Variants in GSE1 observed in about 807,000 individuals in gnomAD.
GSE1 encodes genetic suppressor element 1.
Under a neutral mutation model 112.6 loss-of-function variants are expected in GSE1, and 32 were observed. That is an observed-to-expected ratio of 0.28 (90% CI 0.21 to 0.38). The LOEUF (loss-of-function observed/expected upper bound fraction) is 0.38. GSE1 is among the 10% of genes least tolerant of loss of function. GSE1 has a pLI of 1.00. For synonymous variants in GSE1, 1,115 were observed against 735.6 expected (o/e 1.52, Z -8.35); for missense variants, 2,348 against 1,699.2 (o/e 1.38, Z -6.71).
chr16:85,282,433 G>A (rs1178783169), intron 1 of GSE1, among the ~76,000 whole-genome samples: 2 of 152,196 alleles, frequency 1.3e-5, no homozygotes, highest in Admixed American at 6.5e-5. Flanking sequence ...TCTGAAAGTT[G>A]TTTTTTGCTG....
intron 1 of GSE1, among the ~76,000 whole-genome samples, chr16:85,254,851 T>G (rs1256379488): frequency 6.6e-6 from 1 of 152,332 alleles, no homozygotes; most frequent in South Asian, 2.1e-4. Context: ...GTTTCACACC[T>G]GCAGCAGCCG....
chr16:85,625,129 T>A (rs2048983157), intron 1 of GSE1, among the ~76,000 whole-genome samples: 1 of 152,122 alleles, frequency 6.6e-6, no homozygotes, highest in Admixed American at 6.5e-5. Context: ...CGTGCCCCTT[T>A]AGGAGGCCGC....
chr16:85,269,692 A>G (rs1166470633), intron 1 of GSE1, among the ~76,000 whole-genome samples: 1 of 148,824 alleles, frequency 6.7e-6, no homozygotes, highest in Non-Finnish European at 1.5e-5. Flanking sequence ...AGCCCAAGCC[A>G]TGGGGAAGGG....
chr16:85,417,438 G>T (rs1426721083), intron 2 of GSE1, among the ~76,000 whole-genome samples: 1 of 147,698 alleles, frequency 6.8e-6, no homozygotes, highest in African/African-American at 2.5e-5. Flanking sequence ...TCTCCCTGCA[G>T]CCTGGAGAGG....
chr16:85,469,925 C>T (rs370189429), intron 2 of GSE1, among the ~76,000 whole-genome samples: 3 of 152,224 alleles, frequency 2.0e-5, no homozygotes, highest in Non-Finnish European at 4.4e-5. Flanking sequence ...CGACCAGGCA[C>T]GGGGTACCCC....
Position 85,663,532 on chromosome 16 carries a change from G to A in GSE1, c.2562G>A (p.Met854Ile), listed in dbSNP as rs1259856592. Residue 854 changes from methionine (M) to isoleucine (I), a missense_variant, in exon 11 of 16, where the codon ATG becomes ATA. Transcript: ENST00000253458. ...ALSTRYSPDE[M>I]NNSPNFEEKK... ...CTACCCGCTACAGCCCTGATGAGAT[G>A]AACAACAGTCCCAACTTCGAAGAAA... 1 of 1,613,796 alleles carries A rather than the reference G, an allele frequency of 6.2e-7. No homozygotes were observed. The highest frequency in any genetic ancestry group is 8.5e-7 in the Non-Finnish European group (1 of 1,179,962).
rs1320677986 is a variant in GSE1 at position 85,373,147 on chromosome 16, G to C, written c.2464+15504G>C. 6.6e-6 allele frequency among the ~76,000 whole-genome samples: 1 copy of C among 152,266 alleles called. No individual in the cohort carries two copies. The highest frequency in any genetic ancestry group is 2.4e-5 in the African/African-American group (1 of 41,480). On this transcript the variant is annotated intron_variant, in intron 2 of 2. Coordinates refer to the GSE1 transcript ENST00000637419. The surrounding 1 kb of genome is among the most constrained non-coding windows in gnomAD (Gnocchi z 5.1). The stretch of plus-strand genomic sequence containing the variant: ...CAGGCAGGTGTCAGCAACAGCAGCA[G>C]CCAATGTGGCCATGGGATGCCGGCT...
rs2048794764 is a variant in GSE1 at position 85,419,981 on chromosome 16, C to T, written c.2464+62338C>T. On this transcript the variant is annotated intron_variant, in intron 2 of 2. Transcript: ENST00000637419. This position sits in a 1 kb window ranked among gnomAD's most constrained non-coding sequence, Gnocchi z 6.5. ...CCTCTGAGGCCCAGCTGGCAGTTAT[C>T]ATGGGTCTGTGAATGCTGAGCTTGA... Among the ~76,000 whole-genome samples the T allele has an allele frequency of 1.3e-5, 2 of 152,218 alleles. No individual in the cohort carries two copies. Among genetic ancestry groups the T allele is most frequent in the Non-Finnish European group, 2.9e-5 (2 of 68,034 alleles).
chr16:85,370,591 C>T (rs568805929), intron 2 of GSE1, among the ~76,000 whole-genome samples: 1 of 152,198 alleles, frequency 6.6e-6, no homozygotes, highest in African/African-American at 2.4e-5. Context: ...CCTTTCCCCT[C>T]CCTCTTCTCT....
At position 85,523,729 on chromosome 16, in the gene GSE1, G is replaced by C. The variant is rs566413850; in HGVS notation, c.2465-110185G>C. Among the ~76,000 whole-genome samples, 5 of 152,374 alleles carry C rather than the reference G, an allele frequency of 3.3e-5. No homozygotes were observed. In the South Asian group the frequency reaches 6.2e-4, roughly 19 times the overall value. ...CAGGCGGCCTCCCCGAACACTGGGA[G>C]ACACTGAGAGTCTTAGCTGCCTGGC... On this transcript the variant is annotated intron_variant, in intron 2 of 2. Transcript: ENST00000637419.
intron 1 of GSE1, among the ~76,000 whole-genome samples, chr16:85,279,718 C>T (rs1360186073): frequency 6.6e-6 from 1 of 152,160 alleles, no homozygotes; most frequent in Non-Finnish European, 1.5e-5. Context: ...GCCTCCTGAG[C>T]ACCTGAGCCC....
chr16:85,550,971 T>C (rs1464007637), upstream of GSE1, among the ~76,000 whole-genome samples: 1 of 152,246 alleles, frequency 6.6e-6, no homozygotes, highest in Non-Finnish European at 1.5e-5. Context: ...AACATGGCCC[T>C]GCGCTGTTGG....
intron 1 of GSE1, among the ~76,000 whole-genome samples, chr16:85,339,941 A>C (rs528391478): frequency 6.6e-6 from 1 of 152,306 alleles, no homozygotes; most frequent in South Asian, 2.1e-4. Context: ...TGCTTGGCCC[A>C]GGGCGGGGGC....
chr16:85,451,459 G>C (rs1244241529), intron 2 of GSE1, among the ~76,000 whole-genome samples: 1 of 144,770 alleles, frequency 6.9e-6, no homozygotes. Context: ...GCTGGTGGTT[G>C]GTGCGTGCGC....
In GSE1 at chr16:85,663,601, T is replaced by G; in HGVS notation, c.2631T>G (p.Ala877=). Reference sequence around the variant, plus strand: ...TCTTCAACCTGACCCACATCAGCGCTGAGAAGAGGAAAGGTAGGGCCTCGC... The same window carrying G: ...TCTTCAACCTGACCCACATCAGCGCGGAGAAGAGGAAAGGTAGGGCCTCGC... The part of the protein sequence containing the change: ...LTIFNLTHIS[A]EKRKDKERLV... Residue 877 remains alanine (A), a synonymous_variant, in exon 11 of 16, where the codon GCT becomes GCG. Transcript: ENST00000253458. 2 of 1,612,512 alleles carry G rather than the reference T, an allele frequency of 1.2e-6. No individual in the cohort carries two copies. The highest frequency in any genetic ancestry group is 1.7e-6 in the Non-Finnish European group (2 of 1,179,290).
At chr16:85,509,550 C>T (rs777479787) in intron 2 of GSE1, among the ~76,000 whole-genome samples, 3 of 152,242 alleles carry the variant, frequency 2.0e-5, no homozygotes, top group Non-Finnish European at 2.9e-5. Flanking sequence ...CCCTGGCCCT[C>T]GCTGTCATCA....
intron 1 of GSE1, among the ~76,000 whole-genome samples, chr16:85,619,814 A>C (rs1283665988): frequency 6.6e-6 from 1 of 152,110 alleles, no homozygotes; most frequent in African/African-American, 2.4e-5. Context: ...CCATTTAGCC[A>C]TGCACCAGGG....
At chr16:85,184,730 G>C (rs1392739877) in intron 1 of GSE1, among the ~76,000 whole-genome samples, 1 of 152,114 alleles carries the variant, frequency 6.6e-6, no homozygotes, top group African/African-American at 2.4e-5. Flanking sequence ...TTATTTAGAA[G>C]TATGTTGCTT....
chr16:85,209,451 T>C (rs1030710952), intron 1 of GSE1, among the ~76,000 whole-genome samples: 4 of 152,106 alleles, frequency 2.6e-5, no homozygotes, highest in Non-Finnish European at 5.9e-5. Flanking sequence ...GTTCTTGAAG[T>C]CTTCTGCATC....
Sources: allele counts gnomAD v4.1 joint callset (sites outside exome capture counted in the v4.1 genomes callset), GRCh38; gene constraint gnomAD v4.1.1; non-coding constraint Gnocchi (gnomAD v3.1); transcripts MANE v1.5; gene names NCBI Gene and HGNC (gene_info 2026-07-23, HGNC 2026-07-21).